Variants in THSD7B observed in about 807,000 individuals in gnomAD.
THSD7B encodes the protein thrombospondin type-1 domain-containing protein 7B.
THSD7B carries 138 observed loss-of-function variants against 213.6 expected under a neutral mutation model. The observed-to-expected ratio is 0.65, with a 90% CI of 0.56 to 0.74. The LOEUF is 0.74. Among genes scored for constraint, THSD7B ranks in the 30% least tolerant of loss-of-function variants. The pLI is 0.00. For synonymous variants in THSD7B, 742 were observed against 687.0 expected, an observed-to-expected ratio of 1.08 and a Z score of -1.25; for missense variants, 1,931 against 1,991.5, an observed-to-expected ratio of 0.97 and a Z score of 0.58.
intron 20 of THSD7B, among the ~76,000 whole-genome samples, chr2:137,623,603 C>A (rs1278108382): frequency 2.0e-5 from 3 of 152,176 alleles, no homozygotes; most frequent in African/African-American, 7.2e-5. Flanking sequence ...CCAAAATCTC[C>A]TTAAGCTGAT....
At chr2:137,522,383 G>A (rs1185836116) in intron 15 of THSD7B, among the ~76,000 whole-genome samples, 2 of 152,146 alleles carry the variant, frequency 1.3e-5, no homozygotes, top group South Asian at 2.1e-4. Context: ...AAATTAGAAT[G>A]ATAATCCAGA....
chr2:137,154,190 A>G (rs1269585448), intron 5 of THSD7B, among the ~76,000 whole-genome samples: 2 of 152,162 alleles, frequency 1.3e-5, no homozygotes, highest in Non-Finnish European at 2.9e-5. Flanking sequence ...TTAGGAAGTA[A>G]CAGTAGCTTT....
rs538459927 is a variant in THSD7B at position 136,964,132 on chromosome 2, C to A, written c.139+81815C>A. 2.0e-5 allele frequency among the ~76,000 whole-genome samples: 3 copies of A among 152,332 alleles called. No homozygotes were observed. The South Asian group carries it at 6.2e-4, about 32-fold the overall frequency. On this transcript the variant is annotated intron_variant, in intron 2 of 27. Transcript: ENST00000409968. ...CCACAGGAACAAGATTTTACCACAT[C>A]TCCTTAGTAAATTCCGTTTTTCATG...
At chr2:137,075,478 T>G (rs146803551) in intron 3 of THSD7B, among the ~76,000 whole-genome samples, 9 of 152,080 alleles carry the variant, frequency 5.9e-5, no homozygotes, top group Non-Finnish European at 1.0e-4. Context: ...ATTCTAGTTA[T>G]CCATTCATCT....
intron 2 of THSD7B, among the ~76,000 whole-genome samples, chr2:137,009,741 T>G (rs1686189920): frequency 6.6e-6 from 1 of 152,148 alleles, no homozygotes; most frequent in South Asian, 2.1e-4. Context: ...TATATTCCAC[T>G]GGGTCCCTCC....
At chr2:137,073,131 G>A (rs1173234456) in intron 3 of THSD7B, among the ~76,000 whole-genome samples, 1 of 152,072 alleles carries the variant, frequency 6.6e-6, no homozygotes, top group Non-Finnish European at 1.5e-5. Flanking sequence ...AATGAGTTAG[G>A]GAGGATTCCC....
chr2:137,367,955 A>G (rs1329447364), intron 12 of THSD7B, among the ~76,000 whole-genome samples: 1 of 152,078 alleles, frequency 6.6e-6, no homozygotes, highest in Non-Finnish European at 1.5e-5. Flanking sequence ...GATACAACTA[A>G]TGGATTTGGG....
At chr2:136,852,815 CT>C (rs1180859829) in intron 1 of THSD7B, among the ~76,000 whole-genome samples, 1 of 151,950 alleles carries the variant, frequency 6.6e-6, no homozygotes, top group African/African-American at 2.4e-5. Context: ...ATTTCAAGTT[CT>C]GATTGTTTAG....
At chr2:137,670,877 C>T (rs1032874544) in intron 27 of THSD7B, among the ~76,000 whole-genome samples, 6 of 137,334 alleles carry the variant, frequency 4.4e-5, no homozygotes, top group African/African-American at 1.4e-4. Flanking sequence ...GCCAAGATTG[C>T]GCCACTGCAC....
chr2:137,258,089 T>C (rs1682348650), intron 10 of THSD7B, among the ~76,000 whole-genome samples: 1 of 152,192 alleles, frequency 6.6e-6, no homozygotes. Flanking sequence ...ATAGTCTCCA[T>C]ATTAAACTTT....
At chr2:137,397,604 C>G (rs1024459864) in intron 12 of THSD7B, among the ~76,000 whole-genome samples, 116 of 150,818 alleles carry the variant, frequency 7.7e-4, no homozygotes, top group African/African-American at 2.4e-3. Flanking sequence ...AACATTTTTT[C>G]CTTCATTTCA....
At chr2:137,493,122 CAAAAAAAAAAAAA>C (rs376770053) in intron 15 of THSD7B, among the ~76,000 whole-genome samples, 1 of 44,204 alleles carries the variant, frequency 2.3e-5, no homozygotes, top group Non-Finnish European at 3.8e-5. Flanking sequence ...CTCTCTCTCT[CAAAAAAAAAAAAA>C]AAAAAAAAAA....
intron 12 of THSD7B, among the ~76,000 whole-genome samples, chr2:137,292,406 A>G (rs944009693): frequency 1.3e-5 from 2 of 152,170 alleles, no homozygotes; most frequent in African/African-American, 2.4e-5. Context: ...CTCACAGTTC[A>G]ATTCTGAAAC....
chr2:137,620,532 G>A (rs1269602541), intron 19 of THSD7B, 77 bp from the exon 20 acceptor site: 2 of 1,120,076 alleles, frequency 1.8e-6, no homozygotes, highest in Admixed American at 3.6e-5. Flanking sequence ...GTAAAGGAAA[G>A]TCTTTCCCAT....
At chr2:137,021,225 T>A (rs1686440616) in intron 2 of THSD7B, among the ~76,000 whole-genome samples, 1 of 152,182 alleles carries the variant, frequency 6.6e-6, no homozygotes, top group Non-Finnish European at 1.5e-5. Context: ...TGTCCACACA[T>A]TGTTTTAGCC....
At chr2:137,054,560 C>G (rs538493933) in intron 2 of THSD7B, among the ~76,000 whole-genome samples, 2 of 152,110 alleles carry the variant, frequency 1.3e-5, no homozygotes, top group African/African-American at 4.8e-5. Flanking sequence ...CATGTGATTA[C>G]GTACATGTCT....
At chr2:136,927,385 A>G (rs1260015883) in intron 2 of THSD7B, among the ~76,000 whole-genome samples, 1 of 152,226 alleles carries the variant, frequency 6.6e-6, no homozygotes, top group African/African-American at 2.4e-5. Context: ...ATATTAAGAA[A>G]TGGTTTGAAT....
At chr2:137,102,382 G>T (rs1688168190) in intron 4 of THSD7B, among the ~76,000 whole-genome samples, 1 of 152,162 alleles carries the variant, frequency 6.6e-6, no homozygotes, top group Admixed American at 6.5e-5. Flanking sequence ...CCCATCAGAA[G>T]TTCACCAACA....
intron 2 of THSD7B, among the ~76,000 whole-genome samples, chr2:136,940,743 T>TA (rs2105059632): frequency 1.5e-5 from 1 of 67,158 alleles, no homozygotes; most frequent in East Asian, 2.6e-4. Flanking sequence ...TATATATATA[T>TA]TTTTTCTTAT....
Sources: allele counts gnomAD v4.1 joint callset (sites outside exome capture counted in the v4.1 genomes callset), GRCh38; gene constraint gnomAD v4.1.1; transcripts MANE v1.5; gene names NCBI Gene and HGNC (gene_info 2026-07-23, HGNC 2026-07-21).